The following CSMD1 variants were observed in gnomAD, a reference collection of about 807,000 sequenced individuals.
CSMD1 encodes CUB and sushi domain-containing protein 1.
A neutral mutation model predicts 417.5 loss-of-function variants in CSMD1; 213 were observed. The ratio of observed to expected loss-of-function variants is 0.51; its 90% CI spans 0.46 to 0.57. The LOEUF (loss-of-function observed/expected upper bound fraction) is 0.57. Ranked by LOEUF, CSMD1 falls within the 20% of genes least tolerant of loss-of-function variation. The pLI is 0.00. For missense variants in CSMD1, 6,923 were observed against 4,529.7 expected, an observed-to-expected ratio of 1.53 and a Z score of -15.17; for synonymous variants, 2,862 against 1,736.8, an observed-to-expected ratio of 1.65 and a Z score of -16.11.
intron 2 of CSMD1, among the ~76,000 whole-genome samples, chr8:4,597,973 T>C (rs1283778419): frequency 2.0e-5 from 3 of 151,618 alleles, no homozygotes; most frequent in Non-Finnish European, 2.9e-5. Context: ...TTAAAATATA[T>C]GTGATTTATT....
intron 65 of CSMD1, among the ~76,000 whole-genome samples, chr8:2,952,027 G>C (rs1802673267): frequency 6.6e-6 from 1 of 152,062 alleles, no homozygotes; most frequent in Non-Finnish European, 1.5e-5. Flanking sequence ...ATTTCTTCTT[G>C]TTTTCACGGC....
chr8:4,078,609 T>A (rs200099034), intron 3 of CSMD1, among the ~76,000 whole-genome samples: 2,919 of 148,764 alleles, frequency 0.02, 162 homozygotes, highest in Admixed American at 0.12. Context: ...GAAATATAAT[T>A]TTTTTTTTTT....
chr8:4,929,885 T>A (rs1464305878), intron 1 of CSMD1, among the ~76,000 whole-genome samples: 2 of 152,178 alleles, frequency 1.3e-5, no homozygotes, highest in East Asian at 3.9e-4. Context: ...CACCACAGAA[T>A]CAGTAGATTC....
chr8:4,586,678 A>AT (rs1799716515), intron 2 of CSMD1, among the ~76,000 whole-genome samples: 1 of 152,112 alleles, frequency 6.6e-6, no homozygotes, highest in Admixed American at 6.5e-5. Flanking sequence ...TTTTATTCAC[A>AT]TGTATATGAA....
intron 3 of CSMD1, among the ~76,000 whole-genome samples, chr8:4,126,161 C>T (rs1802752635): frequency 6.6e-6 from 1 of 152,136 alleles, no homozygotes; most frequent in Admixed American, 6.5e-5. Context: ...ACCCACTTCC[C>T]AAGCCCCCAC....
chr8:4,626,329 C>T (rs1374272866), intron 2 of CSMD1, among the ~76,000 whole-genome samples: 1 of 151,904 alleles, frequency 6.6e-6, no homozygotes, highest in Non-Finnish European at 1.5e-5. Flanking sequence ...AGCTGGGAGC[C>T]AGCCACACCT....
chr8:3,318,616 T>C (rs568880274), intron 23 of CSMD1, among the ~76,000 whole-genome samples: 1 of 152,342 alleles, frequency 6.6e-6, no homozygotes, highest in South Asian at 2.1e-4. Flanking sequence ...TTTCAATGTA[T>C]AAGCATGGTT....
intron 1 of CSMD1, among the ~76,000 whole-genome samples, chr8:4,641,574 G>A (rs776783397): frequency 2.8e-4 from 43 of 152,254 alleles, no homozygotes; most frequent in African/African-American, 9.4e-4. Context: ...TGAAAATGAA[G>A]TAAGTTGTCC....
chr8:4,826,619 C>A (rs1182996588), intron 1 of CSMD1, among the ~76,000 whole-genome samples: 2 of 152,118 alleles, frequency 1.3e-5, no homozygotes, highest in Non-Finnish European at 2.9e-5. Context: ...AAGGAGATAA[C>A]TTGGGAGAAA....
chr8:4,186,343 C>A (rs540592866), intron 3 of CSMD1, among the ~76,000 whole-genome samples: 1 of 152,090 alleles, frequency 6.6e-6, no homozygotes, highest in Non-Finnish European at 1.5e-5. Flanking sequence ...CATGGCCCAG[C>A]CCTGGGCTGA....
chr8:3,487,231 T>C (rs1370888207), intron 11 of CSMD1, among the ~76,000 whole-genome samples: 2 of 152,036 alleles, frequency 1.3e-5, no homozygotes, highest in African/African-American at 4.8e-5. Context: ...AGACAGAGTC[T>C]AGCTCTGTCT....
intron 5 of CSMD1, among the ~76,000 whole-genome samples, chr8:3,832,873 T>G (rs532859156): frequency 6.6e-6 from 1 of 152,260 alleles, no homozygotes; most frequent in South Asian, 2.1e-4. Flanking sequence ...ATTTGGAGAA[T>G]CCAAGAAGAA....
intron 1 of CSMD1, among the ~76,000 whole-genome samples, chr8:4,993,396 C>G (rs1811582896): frequency 6.6e-6 from 1 of 152,194 alleles, no homozygotes; most frequent in Non-Finnish European, 1.5e-5. Flanking sequence ...CTCTCTGTCT[C>G]TCTCCCTCTT....
At chr8:3,486,833 T>G (rs34994004) in intron 11 of CSMD1, among the ~76,000 whole-genome samples, 1 of 152,180 alleles carries the variant, frequency 6.6e-6, no homozygotes, top group African/African-American at 2.4e-5. Flanking sequence ...TGAAGCCCAG[T>G]GGTTTGTTTA....
intron 1 of CSMD1, among the ~76,000 whole-genome samples, chr8:4,958,104 C>A (rs1384578144): frequency 6.6e-6 from 1 of 152,134 alleles, no homozygotes; most frequent in Non-Finnish European, 1.5e-5. Context: ...AAAGTGATGT[C>A]TCAAATTCTA....
intron 1 of CSMD1, among the ~76,000 whole-genome samples, chr8:4,690,164 C>T (rs925828378): frequency 1.3e-5 from 2 of 152,080 alleles, no homozygotes; most frequent in Non-Finnish European, 2.9e-5. Context: ...TTTAAGATTA[C>T]CCTCACAGTG....
At chr8:4,349,544 T>G (rs939798599) in intron 3 of CSMD1, among the ~76,000 whole-genome samples, 1 of 152,164 alleles carries the variant, frequency 6.6e-6, no homozygotes, top group African/African-American at 2.4e-5. Flanking sequence ...CTCTATACCA[T>G]GCTTTTTTAT....
At chr8:4,123,876 G>C (rs1802619201) in intron 3 of CSMD1, among the ~76,000 whole-genome samples, 1 of 152,048 alleles carries the variant, frequency 6.6e-6, no homozygotes, top group Non-Finnish European at 1.5e-5. Flanking sequence ...CACATTCCAG[G>C]GTTGTATGTG....
intron 1 of CSMD1, among the ~76,000 whole-genome samples, chr8:4,931,797 A>T (rs1490204549): frequency 1.3e-5 from 2 of 152,192 alleles, no homozygotes; most frequent in African/African-American, 4.8e-5. Flanking sequence ...TCAGAAAGAC[A>T]TTTGCAAACA....
Sources: gnomAD v4.1 joint callset for allele counts (sites outside exome capture counted in the v4.1 genomes callset) on GRCh38, gnomAD v4.1.1 for gene constraint, MANE v1.5 for transcripts, NCBI Gene and HGNC (gene_info 2026-07-23, HGNC 2026-07-21) for gene names.